The following GNB4 variants were observed in gnomAD, a reference collection of about 807,000 sequenced individuals.
The protein encoded by GNB4 is G protein subunit beta 4.
In GNB4, 28 loss-of-function variants were observed where a neutral mutation model predicts 45.2. The ratio of observed to expected loss-of-function variants is 0.62; its 90% CI spans 0.46 to 0.85. The LOEUF (loss-of-function observed/expected upper bound fraction) is 0.85. Among genes scored for constraint, GNB4 ranks in the 40% least tolerant of loss-of-function variants. The pLI is 0.00. For missense variants in GNB4, 321 were observed against 425.4 expected, an observed-to-expected ratio of 0.75 and a Z score of 2.16; for synonymous variants, 132 against 143.7, an observed-to-expected ratio of 0.92 and a Z score of 0.58.
intron 1 of GNB4, among the ~76,000 whole-genome samples, chr3:179,442,942 T>A (rs1181839713): frequency 6.6e-6 from 1 of 152,222 alleles, no homozygotes; most frequent in African/African-American, 2.4e-5. Context: ...TTTGTATCAC[T>A]TAAAGTCACA....
At chr3:179,485,448 A>G in the GNB4 span, among the ~76,000 whole-genome samples, 3 of 152,262 alleles carry the variant, frequency 2.0e-5, no homozygotes, top group African/African-American at 4.8e-5. Context: ...ATGTCAACCC[A>G]GTATTTCTTT....
In GNB4 at chr3:179,451,029, A is replaced by T. The variant is rs1283222756; in HGVS notation, c.-43+317T>A. On this transcript the variant is annotated intron_variant, in intron 1 of 9. Transcript: ENST00000232564. ...AGGCCTCGGGGAGTGACGAGAAACC[A>T]GGGGGGTCTGCAGGACTTGGACCGC... 2.0e-5 allele frequency: 3 copies of T among 152,294 alleles called. No homozygotes were observed. The East Asian group carries it at 5.8e-4, about 29-fold the overall frequency. The allele number at this position is 152,294 out of a possible 1,614,324, so 9.4% of individuals were successfully genotyped here.
chr3:179,440,352 A>G (rs1715564234), intron 1 of GNB4, among the ~76,000 whole-genome samples: 1 of 152,244 alleles, frequency 6.6e-6, no homozygotes, highest in African/African-American at 2.4e-5. Flanking sequence ...TACCTGAAAA[A>G]AGAGACACTT....
At chr3:179,471,784 A>G in the GNB4 span, among the ~76,000 whole-genome samples, 1 of 152,248 alleles carries the variant, frequency 6.6e-6, no homozygotes, top group Non-Finnish European at 1.5e-5. Context: ...ATGTAAAAAT[A>G]TACTTTGAGG....
chr3:179,431,261 G>A lies in GNB4; in HGVS notation c.-42-5019C>T, dbSNP rs188677286. Among the ~76,000 whole-genome samples the A allele has an allele frequency of 7.4e-3, 1,125 of 152,110 alleles. 14 individuals are homozygous for A. Among genetic ancestry groups the A allele is most frequent in the Admixed American group, 0.028 (428 of 15,252 alleles). On this transcript the variant is annotated intron_variant, in intron 1 of 9. Coordinates refer to ENST00000232564, the MANE Select transcript of GNB4 (RefSeq NM_021629.4). ...CACTTTCTGACATTGACTTATTAGA[G>A]AAACTAAATCATCAGCCAGGTGCAG...
chr3:179,470,213 C>T, the GNB4 span, among the ~76,000 whole-genome samples: 2 of 152,132 alleles, frequency 1.3e-5, no homozygotes, highest in African/African-American at 2.4e-5. Flanking sequence ...TTAGAGTATA[C>T]TCCTACAACT....
At chr3:179,434,077 CGACA>C (rs1715380507) in intron 1 of GNB4, among the ~76,000 whole-genome samples, 1 of 152,170 alleles carries the variant, frequency 6.6e-6, no homozygotes, top group African/African-American at 2.4e-5. Context: ...ACAAAGGTGA[CGACA>C]CGTATCTTTC....
chr3:179,443,367 C>CA (rs1486044351), intron 1 of GNB4, among the ~76,000 whole-genome samples: 1 of 152,062 alleles, frequency 6.6e-6, no homozygotes, highest in African/African-American at 2.4e-5. Context: ...GGTGAAACCC[C>CA]ATCTCTACTA....
At chr3:179,525,993 G>T in the GNB4 span, among the ~76,000 whole-genome samples, 1 of 152,236 alleles carries the variant, frequency 6.6e-6, no homozygotes, top group Non-Finnish European at 1.5e-5. Flanking sequence ...ACCACCAACA[G>T]GCTTTGTGTG....
chr3:179,405,453 T>C, intron 8 of GNB4, 47 bp from the exon 9 acceptor site: 1 of 1,298,006 alleles, frequency 7.7e-7, no homozygotes, highest in African/African-American at 1.5e-5. Context: ...GTATGCACAA[T>C]CATAGGAGGC....
Position 179,401,027 on chromosome 3 carries a change from A to C in GNB4, c.*186T>G. The C allele has an allele frequency of 4.0e-6, 2 of 499,778 alleles. No homozygotes were observed. The allele number at this position is 499,778 out of a possible 1,614,324, so 31.0% of individuals were successfully genotyped here. The stretch of plus-strand genomic sequence containing the variant: ...ATACACTGGTCCTTTTGATCTCAGA[A>C]GGCGCCTTTGCCTTTTTTCCTCCAC... On this transcript the variant is annotated 3_prime_UTR_variant, in exon 10 of 10. Transcript: ENST00000232564.
chr3:179,474,734 G>A, the GNB4 span, among the ~76,000 whole-genome samples: 1 of 75,470 alleles, frequency 1.3e-5, no homozygotes, highest in Non-Finnish European at 2.5e-5. Context: ...CCCAGACTGG[G>A]TCCTTTTTTT....
At chr3:179,447,646 C>T (rs1403118250) in intron 1 of GNB4, among the ~76,000 whole-genome samples, 2 of 152,110 alleles carry the variant, frequency 1.3e-5, no homozygotes, top group African/African-American at 4.8e-5. Flanking sequence ...AGTTGGGGGG[C>T]TCCTGCAGTC....
chr3:179,445,824 T>C (rs941943729), intron 1 of GNB4, among the ~76,000 whole-genome samples: 7 of 152,198 alleles, frequency 4.6e-5, no homozygotes, highest in African/African-American at 1.7e-4. Context: ...AGCATCTCAG[T>C]GGGAGTTTGT....
chr3:179,436,155 T>C (rs949397849), intron 1 of GNB4, among the ~76,000 whole-genome samples: 5 of 152,172 alleles, frequency 3.3e-5, no homozygotes, highest in African/African-American at 9.7e-5. Flanking sequence ...TCCCAGCACT[T>C]TGGGAGGCCA....
At chr3:179,496,809 T>C in the GNB4 span, among the ~76,000 whole-genome samples, 10 of 152,094 alleles carry the variant, frequency 6.6e-5, no homozygotes, top group Admixed American at 2.6e-4. Flanking sequence ...TAAATATATA[T>C]GCACTCAACA....
At chr3:179,405,587 G>C (rs1714445738) in intron 8 of GNB4, 181 bp from the exon 9 acceptor site, 1 of 565,118 alleles carries the variant, frequency 1.8e-6, no homozygotes, top group Non-Finnish European at 3.1e-6. Context: ...TGGTGATTAA[G>C]ACTGAATTAA....
In GNB4 at chr3:179,399,044, T is replaced by A. The variant is rs1386078227; in HGVS notation, c.*2169A>T. The stretch of plus-strand genomic sequence containing the variant: ...TATTTAAGGTTATTTTTATGCATAA[T>A]AGAATTGCTTTCTTCTGACTAACCT... On this transcript the variant is annotated 3_prime_UTR_variant, in exon 10 of 10. Coordinates refer to ENST00000232564, the MANE Select transcript of GNB4 (RefSeq NM_021629.4). The A allele has an allele frequency of 1.3e-5, 2 of 152,212 alleles. No homozygotes were observed. The highest frequency in any genetic ancestry group is 2.9e-5 in the Non-Finnish European group (2 of 68,030). 9.4% of individuals were successfully genotyped at this position (152,212 alleles called of 1,614,324 possible).
the GNB4 span, among the ~76,000 whole-genome samples, chr3:179,484,756 T>C: frequency 1.3e-5 from 2 of 152,118 alleles, no homozygotes; most frequent in African/African-American, 4.8e-5. Context: ...CTTCCGACAT[T>C]AGTTATAGTA....
Sources: allele counts gnomAD v4.1 joint callset (sites outside exome capture counted in the v4.1 genomes callset), GRCh38; gene constraint gnomAD v4.1.1; transcripts MANE v1.5; gene names NCBI Gene and HGNC (gene_info 2026-07-23, HGNC 2026-07-21).